Variants in PRPF3 observed in about 807,000 individuals in gnomAD.
PRPF3 encodes the protein pre-mRNA processing factor 3, also known as U4/U6 small nuclear ribonucleoprotein Prp3.
PRPF3 carries 3 observed loss-of-function variants against 89.2 expected under a neutral mutation model. The ratio of observed to expected loss-of-function variants is 0.03; its 90% CI spans 0.02 to 0.09. The LOEUF is 0.09. PRPF3 is among the 10% of genes least tolerant of loss of function. The probability of loss-of-function intolerance (pLI) is 1.00; values close to 1 mark genes in which losing one functional copy is unlikely to be tolerated. For synonymous variants in PRPF3, 270 were observed against 289.1 expected, an observed-to-expected ratio of 0.93 and a Z score of 0.67; for missense variants, 463 against 828.8, an observed-to-expected ratio of 0.56 and a Z score of 5.42.
intron 14 of PRPF3, 28 bp from the exon 15 acceptor site, chr1:150,349,129 T>C: frequency 6.3e-7 from 1 of 1,595,426 alleles, no homozygotes; most frequent in Non-Finnish European, 8.6e-7. Flanking sequence ...ATCTCAAGTC[T>C]AAGTCTGTAA....
chr1:150,346,199 T>C (rs1210327060), intron 13 of PRPF3, 63 bp downstream of exon 13: 3 of 1,439,744 alleles, frequency 2.1e-6, no homozygotes, highest in South Asian at 1.1e-5. Flanking sequence ...GTGATTAGCA[T>C]TGTGGGGAGA....
At chr1:150,335,334 A>T in intron 7 of PRPF3, 93 bp downstream of exon 7, 1 of 1,433,100 alleles carries the variant, frequency 7.0e-7, no homozygotes, top group Non-Finnish European at 9.7e-7. Flanking sequence ...GAAATTAGAT[A>T]AATAGGTCAT....
At chr1:150,336,428 G>A (rs1657006238) in intron 7 of PRPF3, among the ~76,000 whole-genome samples, 1 of 152,108 alleles carries the variant, frequency 6.6e-6, no homozygotes, top group African/African-American at 2.4e-5. Context: ...CTAAAAGACT[G>A]TTGGGTTGGG....
At chr1:150,347,314 A>C (rs925368756) in intron 14 of PRPF3, among the ~76,000 whole-genome samples, 1 of 151,798 alleles carries the variant, frequency 6.6e-6, no homozygotes, top group Non-Finnish European at 1.5e-5. Flanking sequence ...GTACACACAC[A>C]TACACATACA....
intron 12 of PRPF3, 72 bp downstream of exon 12, chr1:150,344,619 C>G: frequency 6.6e-7 from 1 of 1,508,676 alleles, no homozygotes. Context: ...GAGGCAGAAT[C>G]ATTGTGGCCT....
At chr1:150,338,038 C>A in intron 7 of PRPF3, 122 bp from the exon 8 acceptor site, 2 of 999,438 alleles carry the variant, frequency 2.0e-6, no homozygotes, top group Non-Finnish European at 3.0e-6. Flanking sequence ...CATGCCATTG[C>A]ACTCCAGCCT....
intron 7 of PRPF3, 150 bp from the exon 8 acceptor site, chr1:150,338,010 G>A (rs951349882): frequency 2.8e-6 from 2 of 724,244 alleles, no homozygotes; most frequent in Non-Finnish European, 4.5e-6. Flanking sequence ...GAAGGTAGAG[G>A]TTGCTGTTAG....
intron 2 of PRPF3, 74 bp downstream of exon 2, chr1:150,325,161 T>G (rs1655564031): frequency 6.4e-7 from 1 of 1,558,572 alleles, no homozygotes. Context: ...TCCTCAAAAT[T>G]CTCTCTGTTG....
At chr1:150,349,006 T>C in intron 14 of PRPF3, 151 bp from the exon 15 acceptor site, 1 of 728,860 alleles carries the variant, frequency 1.4e-6, no homozygotes, top group Admixed American at 2.1e-5. Flanking sequence ...TCAAGTCTAA[T>C]TTGGGGAAAA....
intron 6 of PRPF3, 36 bp from the exon 7 acceptor site, chr1:150,334,899 C>T: frequency 6.2e-7 from 1 of 1,612,404 alleles, no homozygotes. Flanking sequence ...CTTAATGTTC[C>T]ATACAGGATT....
At chr1:150,337,800 C>T (rs587676155) in intron 7 of PRPF3, among the ~76,000 whole-genome samples, 33 of 150,496 alleles carry the variant, frequency 2.2e-4, no homozygotes, top group African/African-American at 7.8e-4. Flanking sequence ...TCTGGCCGGG[C>T]ACAGTGGCTC....
chr1:150,348,459 CATTTTTT>C (rs1294724703), intron 14 of PRPF3, among the ~76,000 whole-genome samples: 1 of 34,826 alleles, frequency 2.9e-5, no homozygotes, highest in African/African-American at 9.4e-5. Context: ...TCTACACGTG[CATTTTTT>C]TTTTTTTTTT....
At chr1:150,340,676 T>C (rs1225110706) in intron 9 of PRPF3, among the ~76,000 whole-genome samples, 199 bp downstream of exon 9, 1 of 152,162 alleles carries the variant, frequency 6.6e-6, no homozygotes, top group Admixed American at 6.6e-5. Flanking sequence ...TGCATATTCC[T>C]GTGCTTAGAA....
At chr1:150,333,942 C>A (rs587684989) in intron 6 of PRPF3, among the ~76,000 whole-genome samples, 5 of 152,202 alleles carry the variant, frequency 3.3e-5, no homozygotes, top group Admixed American at 3.3e-4. Context: ...ATTATAAATT[C>A]ATATAATTTA....
intron 1 of PRPF3, among the ~76,000 whole-genome samples, chr1:150,323,558 C>T (rs1655342136): frequency 6.6e-6 from 1 of 151,170 alleles, no homozygotes; most frequent in Non-Finnish European, 1.5e-5. Flanking sequence ...TCAAGTGAAC[C>T]CAGGAGATGG....
At chr1:150,332,087 G>T (rs1307363231) in intron 4 of PRPF3, among the ~76,000 whole-genome samples, 1 of 151,980 alleles carries the variant, frequency 6.6e-6, no homozygotes, top group Non-Finnish European at 1.5e-5. Flanking sequence ...AGCCGGGCGT[G>T]GTGGTGGGCG....
At position 150,344,453 on chromosome 1, in the gene PRPF3, G is replaced by A. The variant is rs1658084153; in HGVS notation, c.1546G>A (p.Ala516Thr). Residue 516 changes from alanine to threonine, a missense_variant, in exon 12 of 16, where the codon GCT becomes ACT. Physicochemically the swap from Ala to Thr is moderately conservative, Grantham distance 58. This residue lies in a region of PRPF3 where 261 missense variants were observed against 475.8 expected (regional missense o/e 0.55). Transcript: ENST00000324862. ...CGACAGAGCGCATGAAGAGGCCAAC[G>A]CTGCCCGAAAACTCACAGCAGAACA... ...KRQKAHEEAN[A>T]ARKLTAEQRK... 1 of 1,613,994 alleles carries A rather than the reference G, an allele frequency of 6.2e-7. No homozygotes were observed. The highest frequency in any genetic ancestry group is 1.3e-5 in the African/African-American group (1 of 74,912).
At chr1:150,344,634 G>T in intron 12 of PRPF3, 87 bp downstream of exon 12, 1 of 1,396,992 alleles carries the variant, frequency 7.2e-7, no homozygotes, top group Middle Eastern at 1.8e-4. Flanking sequence ...TGGCCTAAAA[G>T]CATACCTAAC....
intron 15 of PRPF3, among the ~76,000 whole-genome samples, chr1:150,349,896 C>CG (rs1263956508): frequency 4.0e-5 from 1 of 25,230 alleles, no homozygotes; most frequent in African/African-American, 1.3e-4. Flanking sequence ...GGCGGGGGGG[C>CG]GGGGGGCGGT....
Sources: gnomAD v4.1 joint callset for allele counts (sites outside exome capture counted in the v4.1 genomes callset) on GRCh38, gnomAD v4.1.1 for gene constraint, gnomAD v4.1.1 regional missense constraint, MANE v1.5 for transcripts, NCBI Gene and HGNC (gene_info 2026-07-23, HGNC 2026-07-21) for gene names.